The following MVB12B variants were observed in gnomAD, a reference collection of about 807,000 sequenced individuals.
MVB12B encodes the protein ESCRT-I complex subunit MVB12B.
In MVB12B, 16 loss-of-function variants were observed where a neutral mutation model predicts 41.6. The ratio of observed to expected loss-of-function variants is 0.38; its 90% CI spans 0.26 to 0.58. The LOEUF (loss-of-function observed/expected upper bound fraction) is 0.58, where lower values mean the gene tolerates loss of function less well. Among genes scored for constraint, MVB12B ranks in the 20% least tolerant of loss-of-function variants. The pLI, the probability that MVB12B is intolerant of heterozygous loss-of-function variation, is 0.62. For missense variants in MVB12B, 274 were observed against 380.2 expected (o/e 0.72, Z 2.32); for synonymous variants, 133 against 139.7 (o/e 0.95, Z 0.34).
At chr9:126,353,102 T>C (rs568565) in intron 2 of MVB12B, among the ~76,000 whole-genome samples, 126,241 of 152,100 alleles carry the variant, frequency 0.83, 52,834 homozygotes, top group African/African-American at 0.91. Context: ...AGGTGGAGAC[T>C]ACTGAAGAAG....
chr9:126,327,300 AG>A, intron 1 of MVB12B: 1 of 985,096 alleles, frequency 1.0e-6, no homozygotes, highest in Non-Finnish European at 1.2e-6. Context: ...CGGGCAGGTG[AG>A]GGGCGCCGAG....
Position 126,350,037 on chromosome 9 carries a change from C to CTAATGTCAT in MVB12B, c.204+9407_204+9408insTAATGTCAT, listed in dbSNP as rs1334979756. 3.5e-4 allele frequency among the ~76,000 whole-genome samples: 54 copies of CTAATGTCAT among 152,188 alleles called. 1 individual carries two copies. The highest frequency in any genetic ancestry group is 5.2e-4 in the Admixed American group (8 of 15,282). ...TTTTTTTGTTTTAGCCATTCTGACA[C>CTAATGTCAT]GTGCATAGTGATAATTCATTTGGTT... On this transcript the variant is annotated intron_variant, in intron 2 of 9. Transcript: ENST00000361171.
At chr9:126,381,208 A>T in intron 3 of MVB12B, 37 bp downstream of exon 3, 1 of 1,397,862 alleles carries the variant, frequency 7.2e-7, no homozygotes, top group Non-Finnish European at 1.0e-6. Context: ...CTGAGTGAGC[A>T]CAAGTAATTT....
At chr9:126,425,748 G>A (rs1288985725) in intron 7 of MVB12B, among the ~76,000 whole-genome samples, 4 of 152,158 alleles carry the variant, frequency 2.6e-5, no homozygotes, top group Non-Finnish European at 5.9e-5. Flanking sequence ...GCAAGCAGCC[G>A]GCTGCTCCAG....
chr9:126,416,912 T>A (rs1183309640), intron 6 of MVB12B, among the ~76,000 whole-genome samples: 6 of 152,304 alleles, frequency 3.9e-5, no homozygotes, highest in African/African-American at 1.4e-4. Flanking sequence ...GTCTCTCACT[T>A]TCAGGCTAAT....
intron 7 of MVB12B, among the ~76,000 whole-genome samples, chr9:126,458,253 A>G (rs538166939): frequency 1.1e-4 from 16 of 152,340 alleles, no homozygotes; most frequent in Admixed American, 8.5e-4. Flanking sequence ...GCCCAGGCTC[A>G]GCCTCACCAG....
intron 7 of MVB12B, among the ~76,000 whole-genome samples, chr9:126,462,657 G>A (rs935184515): frequency 1.1e-4 from 16 of 152,216 alleles, no homozygotes; most frequent in Non-Finnish European, 2.2e-4. Context: ...ATCAGCTGCA[G>A]AAATTAGAAT....
intron 2 of MVB12B, among the ~76,000 whole-genome samples, chr9:126,347,572 G>A (rs1829632485): frequency 6.6e-6 from 1 of 152,188 alleles, no homozygotes; most frequent in South Asian, 2.1e-4. Context: ...GGGCCAGTGG[G>A]CTGGGTATAG....
chr9:126,366,178 C>T (rs973230921), intron 2 of MVB12B, among the ~76,000 whole-genome samples: 1 of 152,032 alleles, frequency 6.6e-6, no homozygotes, highest in Non-Finnish European at 1.5e-5. Context: ...CTCCAGCCAC[C>T]ATCTTTGTAT....
At chr9:126,339,889 C>A (rs1829393031) in intron 1 of MVB12B, among the ~76,000 whole-genome samples, 1 of 152,196 alleles carries the variant, frequency 6.6e-6, no homozygotes, top group African/African-American at 2.4e-5. Context: ...AGTATCATGA[C>A]CTCCTTTTAT....
At chr9:126,446,137 T>G (rs930121743) in intron 7 of MVB12B, among the ~76,000 whole-genome samples, 1 of 152,128 alleles carries the variant, frequency 6.6e-6, no homozygotes, top group Admixed American at 6.5e-5. Context: ...TCTATTCCTA[T>G]TTTCCAAAGA....
chr9:126,500,271 C>A (rs1199042251), intron 9 of MVB12B, among the ~76,000 whole-genome samples: 4 of 152,224 alleles, frequency 2.6e-5, no homozygotes, highest in Non-Finnish European at 4.4e-5. Context: ...CCTGCAGGAA[C>A]CTGGCTCTGG....
chr9:126,396,488 G>A (rs374408258), intron 6 of MVB12B: 5 of 985,498 alleles, frequency 5.1e-6, no homozygotes, highest in African/African-American at 3.5e-5. Context: ...AAGCTTCCAC[G>A]TGGGTGAATA....
At chr9:126,438,235 C>T (rs766425972) in intron 7 of MVB12B, among the ~76,000 whole-genome samples, 1 of 152,120 alleles carries the variant, frequency 6.6e-6, no homozygotes, top group African/African-American at 2.4e-5. Context: ...TAATGACCAG[C>T]GTGTTTAAAT....
intron 7 of MVB12B, among the ~76,000 whole-genome samples, chr9:126,465,622 T>C (rs1390992917): frequency 7.2e-6 from 1 of 139,294 alleles, no homozygotes; most frequent in Admixed American, 7.8e-5. Flanking sequence ...GGGGCGCAGC[T>C]ATCATGGAGC....
At chr9:126,498,775 A>C (rs554146642) in intron 9 of MVB12B, among the ~76,000 whole-genome samples, 1 of 152,134 alleles carries the variant, frequency 6.6e-6, no homozygotes, top group Admixed American at 6.5e-5. Context: ...TCTCGTCTGG[A>C]GCCCTCTAGA....
At chr9:126,496,310 A>G (rs1018079889) in intron 9 of MVB12B, among the ~76,000 whole-genome samples, 4 of 86,530 alleles carry the variant, frequency 4.6e-5, no homozygotes, top group Non-Finnish European at 7.0e-5. Context: ...CCTACCCATC[A>G]CCCCACCCAC....
At chr9:126,334,671 G>T (rs552980999) in intron 1 of MVB12B, among the ~76,000 whole-genome samples, 1 of 152,296 alleles carries the variant, frequency 6.6e-6, no homozygotes, top group East Asian at 1.9e-4. Flanking sequence ...CTTCTCTACA[G>T]GGGACAATAT....
intron 7 of MVB12B, among the ~76,000 whole-genome samples, chr9:126,448,768 G>A (rs1001011010): frequency 1.3e-5 from 2 of 152,102 alleles, no homozygotes; most frequent in African/African-American, 4.8e-5. Context: ...ATTACCAAGG[G>A]GATGGTGCTG....
Sources: allele counts gnomAD v4.1 joint callset (sites outside exome capture counted in the v4.1 genomes callset), GRCh38; gene constraint gnomAD v4.1.1; transcripts MANE v1.5; gene names NCBI Gene and HGNC (gene_info 2026-07-23, HGNC 2026-07-21).